CYB5B: variants seen among roughly 807,000 people sequenced by gnomAD.
CYB5B encodes the protein cytochrome b5 type B (outer mitochondrial membrane).
CYB5B carries 14 observed loss-of-function variants against 21.3 expected under a neutral mutation model. That is an observed-to-expected ratio of 0.66 (90% confidence interval 0.43 to 1.03). The LOEUF (loss-of-function observed/expected upper bound fraction) is 1.03. Ranked by LOEUF, CYB5B falls within the 50% of genes least tolerant of loss-of-function variation. The probability of loss-of-function intolerance (pLI) is 0.00; values close to 1 mark genes in which losing one functional copy is unlikely to be tolerated. For missense variants in CYB5B, 166 were observed against 185.1 expected (o/e 0.90, Z 0.60); for synonymous variants, 69 against 68.4 (o/e 1.01, Z -0.04).
intron 4 of CYB5B, among the ~76,000 whole-genome samples, chr16:69,461,202 CAAAAA>C (rs548563223): frequency 8.1e-6 from 1 of 123,798 alleles, no homozygotes; most frequent in Non-Finnish European, 1.7e-5. Flanking sequence ...GACTCCGTCT[CAAAAA>C]AAAAAAAAAG....
At chr16:69,425,675 CAT>C (rs2142805330) in intron 1 of CYB5B, among the ~76,000 whole-genome samples, 1 of 152,274 alleles carries the variant, frequency 6.6e-6, no homozygotes, top group African/African-American at 2.4e-5. Flanking sequence ...CATGTTAAGA[CAT>C]AAACCATTTC....
rs1597277619 is a variant in CYB5B at position 69,425,995 on chromosome 16, T to C, written c.174+1138T>C. 2.6e-5 allele frequency among the ~76,000 whole-genome samples: 4 copies of C among 152,310 alleles called. No homozygotes were observed. The East Asian group carries it at 7.7e-4, about 29-fold the overall frequency. On this transcript the variant is annotated intron_variant, in intron 1 of 4. Coordinates refer to ENST00000307892, the MANE Select transcript of CYB5B (RefSeq NM_030579.3). ...TAAAAACTTTTAAAATTTAAAAGTT[T>C]CCCCCAAAGAACATTATTTTTAATA...
At position 69,451,077 on chromosome 16, in the gene CYB5B, A is replaced by G. The variant is rs1397203714; in HGVS notation, c.333+2933A>G. Among the ~76,000 whole-genome samples the G allele has an allele frequency of 2.0e-5, 3 of 152,212 alleles. No individual in the cohort carries two copies. The East Asian group carries it at 5.8e-4, about 29-fold the overall frequency. On this transcript the variant is annotated intron_variant, in intron 3 of 4. Coordinates refer to ENST00000307892, the MANE Select transcript of CYB5B (RefSeq NM_030579.3). Reference sequence around the variant, plus strand: ...CAGAATTAATATACTAAAAACGTAAAGACTTAAAAACTTAAAGATGTAGCA... The same window carrying G: ...CAGAATTAATATACTAAAAACGTAAGGACTTAAAAACTTAAAGATGTAGCA...
rs2015048968 is a variant in CYB5B at position 69,462,800 on chromosome 16, C to T, written c.*280C>T. ...GAGTACCCTTATATTTCACAACTTT[C>T]TGTTCATAAGTTATAGTGACATTGC... On this transcript the variant is annotated 3_prime_UTR_variant, in exon 5 of 5. Transcript: ENST00000307892. The T allele has an allele frequency of 2.9e-6, 1 of 347,110 alleles. No individual in the cohort carries two copies. The highest frequency in any genetic ancestry group is 5.2e-5 in the East Asian group (1 of 19,344). The allele number at this position is 347,110 out of a possible 1,614,324, so 21.5% of individuals were successfully genotyped here. A position where few individuals can be genotyped will look rare whatever the true frequency, so the allele number is the denominator to read the frequency against.
At chr16:69,456,339 T>C (rs74693709) in intron 3 of CYB5B, among the ~76,000 whole-genome samples, 11 of 152,262 alleles carry the variant, frequency 7.2e-5, no homozygotes, top group African/African-American at 2.6e-4. Context: ...ATTAAAGCCT[T>C]AATGAACCTT....
At chr16:69,460,956 G>A (rs1254364281) in intron 4 of CYB5B, among the ~76,000 whole-genome samples, 4 of 152,138 alleles carry the variant, frequency 2.6e-5, no homozygotes, top group Non-Finnish European at 4.4e-5. Flanking sequence ...CTCCTCAGTG[G>A]CAGTTAAGTA....
At chr16:69,439,705 T>TA (rs1357706857) in intron 1 of CYB5B, among the ~76,000 whole-genome samples, 1 of 151,944 alleles carries the variant, frequency 6.6e-6, no homozygotes, top group Non-Finnish European at 1.5e-5. Context: ...TAGCTGGAAT[T>TA]ATAGGAGCGG....
At chr16:69,429,873 G>C (rs188688421) in intron 1 of CYB5B, among the ~76,000 whole-genome samples, 23 of 152,174 alleles carry the variant, frequency 1.5e-4, no homozygotes, top group Admixed American at 1.3e-3. Context: ...TTAGCAAGAG[G>C]TTCCTAATCT....
At position 69,447,291 on chromosome 16, in the gene CYB5B, A is replaced by C; in HGVS notation, c.303+13A>C. ...TGATATCCATCCGGTAAGAACTATC[A>C]GAGATGGGAGCCCTTATGCAGAGAA... is the stretch of plus-strand genomic sequence containing the variant. On this transcript the variant is annotated intron_variant, in intron 2 of 4. Transcript: ENST00000307892. 3.7e-6 allele frequency: 6 copies of C among 1,612,130 alleles called. No individual in the cohort carries two copies. The highest frequency in any genetic ancestry group is 5.1e-6 in the Non-Finnish European group (6 of 1,179,364).
At chr16:69,453,640 C>A (rs895467844) in intron 3 of CYB5B, among the ~76,000 whole-genome samples, 1 of 152,132 alleles carries the variant, frequency 6.6e-6, no homozygotes, top group African/African-American at 2.4e-5. Flanking sequence ...TCTGCAACCT[C>A]CGCCTCCTGG....
At chr16:69,458,572 A>G (rs2015003425) in intron 3 of CYB5B, among the ~76,000 whole-genome samples, 1 of 152,144 alleles carries the variant, frequency 6.6e-6, no homozygotes, top group Non-Finnish European at 1.5e-5. Context: ...ATCAATTCTA[A>G]GGTCTCCTGT....
At chr16:69,430,542 G>A (rs191363194) in intron 1 of CYB5B, among the ~76,000 whole-genome samples, 2 of 151,954 alleles carry the variant, frequency 1.3e-5, no homozygotes, top group East Asian at 3.9e-4. Flanking sequence ...TGTATATGGT[G>A]TTTATTGGAT....
chr16:69,439,142 A>G (rs1445069049), intron 1 of CYB5B, among the ~76,000 whole-genome samples: 1 of 152,144 alleles, frequency 6.6e-6, no homozygotes, highest in African/African-American at 2.4e-5. Context: ...TTTTTGTAAT[A>G]TGGTGTGGGG....
chr16:69,441,581 C>T (rs1329532109), intron 1 of CYB5B, among the ~76,000 whole-genome samples: 1 of 152,160 alleles, frequency 6.6e-6, no homozygotes, highest in Non-Finnish European at 1.5e-5. Context: ...GAAATGGTAC[C>T]CTGCCACTTC....
chr16:69,437,605 G>A (rs898679400), intron 1 of CYB5B, among the ~76,000 whole-genome samples: 1 of 151,910 alleles, frequency 6.6e-6, no homozygotes, highest in South Asian at 2.1e-4. Context: ...CTTTTATTGT[G>A]GTGAAATATA....
At chr16:69,462,277 T>C (rs2015042373) in intron 4 of CYB5B, among the ~76,000 whole-genome samples, 153 bp from the exon 5 acceptor site, 1 of 152,224 alleles carries the variant, frequency 6.6e-6, no homozygotes, top group Admixed American at 6.5e-5. Flanking sequence ...CCAATTCAAA[T>C]ATTTTTCCCC....
chr16:69,424,809 G>GC lies in CYB5B; in HGVS notation c.127dup (p.Leu43ProfsTer34). ...AGCGCAACTCCTTGAAGGAACTGTG[G>GC]CTTGTGATCCATGGGCGAGTCTACG... is the stretch of plus-strand genomic sequence containing the variant. On this transcript the variant is annotated frameshift_variant, in exon 1 of 5. Transcript: ENST00000307892. LOFTEE classifies it high-confidence loss of function. 1.2e-6 allele frequency: 2 copies of GC among 1,606,914 alleles called. No homozygotes were observed. The highest frequency in any genetic ancestry group is 1.7e-6 in the Non-Finnish European group (2 of 1,176,508).
chr16:69,460,797 G>A (rs1368042344), intron 4 of CYB5B, among the ~76,000 whole-genome samples: 1 of 152,016 alleles, frequency 6.6e-6, no homozygotes, highest in African/African-American at 2.4e-5. Context: ...TTCATACAAT[G>A]GAATACTACA....
intron 1 of CYB5B, among the ~76,000 whole-genome samples, chr16:69,431,410 T>C (rs1198397464): frequency 2.0e-5 from 3 of 152,224 alleles, no homozygotes; most frequent in Non-Finnish European, 4.4e-5. Flanking sequence ...TAGTAGGCCC[T>C]GGTGGTGTAT....
Sources: gnomAD v4.1 joint callset for allele counts (sites outside exome capture counted in the v4.1 genomes callset) on GRCh38, gnomAD v4.1.1 for gene constraint, MANE v1.5 for transcripts, NCBI Gene and HGNC (gene_info 2026-07-23, HGNC 2026-07-21) for gene names.